Variants in RNF144A observed in about 807,000 individuals in gnomAD.
The protein encoded by RNF144A is ring finger protein 144A, also known as E3 ubiquitin-protein ligase RNF144A.
Under a neutral mutation model 38.7 loss-of-function variants are expected in RNF144A, and 11 were observed. The ratio of observed to expected loss-of-function variants is 0.28; its 90% CI spans 0.18 to 0.47. The LOEUF is 0.47. RNF144A is among the 20% of genes least tolerant of loss of function. RNF144A has a pLI of 0.99. For missense variants in RNF144A, 316 were observed against 377.2 expected (o/e 0.84, Z 1.34); for synonymous variants, 149 against 143.9 (o/e 1.04, Z -0.25).
chr2:7,001,650 C>G (rs1670113962), intron 3 of RNF144A, among the ~76,000 whole-genome samples: 1 of 152,202 alleles, frequency 6.6e-6, no homozygotes, highest in South Asian at 2.1e-4. Context: ...GCACTCCAGC[C>G]TGGGCAGCAG....
At chr2:6,920,073 T>C (rs80320731) in intron 1 of RNF144A, among the ~76,000 whole-genome samples, 450 of 152,348 alleles carry the variant, frequency 3.0e-3, no homozygotes, top group African/African-American at 9.9e-3. Flanking sequence ...CTGAAGCTGC[T>C]GAGGTTCAGG....
At chr2:6,933,319 G>T (rs1026604769) in intron 1 of RNF144A, 2 of 152,158 alleles carry the variant, frequency 1.3e-5, no homozygotes, top group African/African-American at 2.4e-5. Context: ...TGGAGAAGAG[G>T]GAGAAAGGCT....
At chr2:7,016,879 G>A (rs542001261) in intron 5 of RNF144A, among the ~76,000 whole-genome samples, 9 of 152,122 alleles carry the variant, frequency 5.9e-5, no homozygotes, top group South Asian at 2.1e-4. Flanking sequence ...GTCATGTTGC[G>A]CACACTGTCT....
At chr2:6,929,795 A>G (rs1414788518) in intron 1 of RNF144A, among the ~76,000 whole-genome samples, 1 of 152,256 alleles carries the variant, frequency 6.6e-6, no homozygotes, top group Non-Finnish European at 1.5e-5. Flanking sequence ...CCATTATGTG[A>G]TAATAAATAG....
At chr2:7,010,598 G>T (rs1670734663) in intron 3 of RNF144A, among the ~76,000 whole-genome samples, 1 of 152,200 alleles carries the variant, frequency 6.6e-6, no homozygotes, top group East Asian at 1.9e-4. Context: ...CGCACCGGAG[G>T]TATATTAGCA....
At position 6,958,284 on chromosome 2, in the gene RNF144A, G is replaced by A. The variant is rs1224470745; in HGVS notation, c.-12+17137G>A. ...CAAAGTGGAGTGATTGAAGGACACA[G>A]TCCAGTAACTCAGCAGCCTGCCGTG... On this transcript the variant is annotated intron_variant, in intron 2 of 8. Transcript: ENST00000320892. This position sits in a 1 kb window ranked among gnomAD's most constrained non-coding sequence, Gnocchi z 4.5. Among the ~76,000 whole-genome samples, 1 of 152,244 alleles carries A rather than the reference G, an allele frequency of 6.6e-6. No individual in the cohort carries two copies. The highest frequency in any genetic ancestry group is 2.4e-5 in the African/African-American group (1 of 41,458).
chr2:7,027,007 A>G (rs1487923909), intron 7 of RNF144A, among the ~76,000 whole-genome samples: 1 of 152,222 alleles, frequency 6.6e-6, no homozygotes, highest in African/African-American at 2.4e-5. Flanking sequence ...TACCAAAGAC[A>G]TTAACAGTGA....
chr2:7,033,504 C>A (rs1001362271), intron 8 of RNF144A, among the ~76,000 whole-genome samples: 1 of 152,236 alleles, frequency 6.6e-6, no homozygotes, highest in Non-Finnish European at 1.5e-5. Context: ...CTGCAGCGCC[C>A]GTGCTTTCCC....
intron 2 of RNF144A, among the ~76,000 whole-genome samples, chr2:6,990,604 GAT>G (rs1669301908): frequency 7.6e-6 from 1 of 132,384 alleles, no homozygotes; most frequent in Non-Finnish European, 1.7e-5. Flanking sequence ...CACACACACA[GAT>G]ATATAGACTT....
intron 2 of RNF144A, among the ~76,000 whole-genome samples, chr2:6,945,960 G>A (rs1666319496): frequency 6.6e-6 from 1 of 152,138 alleles, no homozygotes; most frequent in Admixed American, 6.5e-5. Flanking sequence ...TCAGGAGGAG[G>A]TAGAATCTGT....
At chr2:6,924,438 C>A (rs184288507) in intron 1 of RNF144A, among the ~76,000 whole-genome samples, 1 of 152,312 alleles carries the variant, frequency 6.6e-6, no homozygotes, top group Non-Finnish European at 1.5e-5. Context: ...TCCTGGGAGT[C>A]TGGTGAGGAA....
intron 5 of RNF144A, among the ~76,000 whole-genome samples, chr2:7,019,268 GCAC>G (rs1558436862): frequency 6.6e-6 from 1 of 152,198 alleles, no homozygotes; most frequent in Non-Finnish European, 1.5e-5. Flanking sequence ...GTATGCGTGT[GCAC>G]CGTCAGGACA....
Position 7,043,824 on chromosome 2 carries a change from C to A in RNF144A, c.*4064C>A. ...CCCCATGCCTGCCCTTTCTTTCCTT[C>A]TTTGCTCACTTTACTATGGGTGTAT... On this transcript the variant is annotated 3_prime_UTR_variant, in exon 9 of 9. Coordinates refer to ENST00000320892, the MANE Select transcript of RNF144A (RefSeq NM_014746.6). 1 of 985,816 alleles carries A rather than the reference C, an allele frequency of 1.0e-6. No homozygotes were observed. Among genetic ancestry groups the A allele is most frequent in the Non-Finnish European group, 1.2e-6 (1 of 829,938 alleles). The allele number at this position is 985,816 out of a possible 1,614,324, so 61.1% of individuals were successfully genotyped here. A position where few individuals can be genotyped will look rare whatever the true frequency, so the allele number is the denominator to read the frequency against.
At chr2:6,978,962 ATC>A (rs1244640623) in intron 2 of RNF144A, 7 of 152,694 alleles carry the variant, frequency 4.6e-5, no homozygotes, top group African/African-American at 1.7e-4. Flanking sequence ...GGGTCCACGT[ATC>A]TCTGCCCAAC....
chr2:7,068,344 C>T, downstream of RNF144A: 2 of 856,102 alleles, frequency 2.3e-6, no homozygotes, highest in Non-Finnish European at 3.4e-6. Flanking sequence ...GGTAGTGGCA[C>T]CGTGAAACTT....
At chr2:7,008,990 A>G (rs1192822078) in intron 3 of RNF144A, among the ~76,000 whole-genome samples, 1 of 152,236 alleles carries the variant, frequency 6.6e-6, no homozygotes, top group Non-Finnish European at 1.5e-5. Flanking sequence ...CATTCCGTCC[A>G]CATCTTCACT....
chr2:7,018,085 A>G (rs1473453370), intron 5 of RNF144A, among the ~76,000 whole-genome samples: 1 of 152,190 alleles, frequency 6.6e-6, no homozygotes, highest in Non-Finnish European at 1.5e-5. Flanking sequence ...GAGGTGGTGC[A>G]TGACAAATCA....
At chr2:6,938,652 T>A (rs1665757699) in intron 1 of RNF144A, among the ~76,000 whole-genome samples, 1 of 152,206 alleles carries the variant, frequency 6.6e-6, no homozygotes, top group South Asian at 2.1e-4. Flanking sequence ...AGTCACAGAA[T>A]TTTGTAACCA....
intron 2 of RNF144A, among the ~76,000 whole-genome samples, chr2:6,968,645 C>T (rs557281048): frequency 2.0e-5 from 3 of 152,172 alleles, no homozygotes; most frequent in Admixed American, 6.6e-5. Context: ...GAAAACAAAT[C>T]CTTTTCTCCT....
Sources: allele counts gnomAD v4.1 joint callset (sites outside exome capture counted in the v4.1 genomes callset), GRCh38; gene constraint gnomAD v4.1.1; non-coding constraint Gnocchi (gnomAD v3.1); transcripts MANE v1.5; gene names NCBI Gene and HGNC (gene_info 2026-07-23, HGNC 2026-07-21).